NR2C1: variants seen among roughly 807,000 people sequenced by gnomAD.
NR2C1 encodes nuclear receptor subfamily 2 group C member 1.
Under a neutral mutation model 74.8 loss-of-function variants are expected in NR2C1, and 33 were observed. The ratio of observed to expected loss-of-function variants is 0.44; its 90% CI spans 0.33 to 0.59. NR2C1 has a LOEUF of 0.59. Among genes scored for constraint, NR2C1 ranks in the 20% least tolerant of loss-of-function variants. The probability of loss-of-function intolerance (pLI) is 0.02; values close to 1 mark genes in which losing one functional copy is unlikely to be tolerated. For synonymous variants in NR2C1, 225 were observed against 240.6 expected, an observed-to-expected ratio of 0.94 and a Z score of 0.60; for missense variants, 568 against 715.6, an observed-to-expected ratio of 0.79 and a Z score of 2.35.
intron 1 of NR2C1, among the ~76,000 whole-genome samples, chr12:95,070,173 C>A (rs1052089313): frequency 6.6e-6 from 1 of 151,474 alleles, no homozygotes; most frequent in African/African-American, 2.4e-5. Context: ...GCTCTGTCAC[C>A]TAGGCTGGAG....
chr12:95,059,986 TAAAAAAAAAAAAAA>T lies in NR2C1; in HGVS notation c.286-16_286-3del. 7 of 1,072,598 alleles carry T rather than the reference TAAAAAAAAAAAAAA, an allele frequency of 6.5e-6. No homozygotes were observed. The East Asian group carries it at 9.4e-5, about 14-fold the overall frequency. The allele number at this position is 1,072,598 out of a possible 1,614,324, so 66.4% of individuals were successfully genotyped here. The stretch of plus-strand genomic sequence containing the variant: ...GTCTGGAGAATTATCTGTTAGGAGC[TAAAAAAAAAAAAAA>T]AAAAAAAGAAAACAAAAACGAAAAC... On this transcript the variant is annotated splice_region_variant and splice_polypyrimidine_tract_variant and intron_variant, in intron 3 of 13. Coordinates refer to ENST00000333003, the MANE Select transcript of NR2C1 (RefSeq NM_003297.4).
intron 11 of NR2C1, 131 bp downstream of exon 11, chr12:95,031,218 T>C (rs1870059880): frequency 1.3e-6 from 1 of 745,246 alleles, no homozygotes; most frequent in Non-Finnish European, 1.9e-6. Flanking sequence ...AAAAATTATC[T>C]AAAGTAAGAA....
At chr12:95,032,743 G>A (rs1405414546) in intron 10 of NR2C1, among the ~76,000 whole-genome samples, 1 of 152,136 alleles carries the variant, frequency 6.6e-6, no homozygotes, top group African/African-American at 2.4e-5. Context: ...TGAGGCAGAC[G>A]CATCACTTGA....
intron 3 of NR2C1, among the ~76,000 whole-genome samples, chr12:95,062,232 A>C (rs1049686647): frequency 4.6e-5 from 7 of 152,194 alleles, no homozygotes; most frequent in Non-Finnish European, 1.0e-4. Context: ...CAATTCTGCA[A>C]GCTCTCTGTA....
At chr12:95,035,848 T>C (rs1178767517) in intron 10 of NR2C1, among the ~76,000 whole-genome samples, 2 of 152,364 alleles carry the variant, frequency 1.3e-5, no homozygotes, top group Non-Finnish European at 2.9e-5. Flanking sequence ...TTATCTACTT[T>C]GCAGCAGGCA....
At chr12:95,055,266 GCA>G (rs1873668844) in intron 7 of NR2C1, among the ~76,000 whole-genome samples, 1 of 152,190 alleles carries the variant, frequency 6.6e-6, no homozygotes, top group African/African-American at 2.4e-5. Context: ...ATACAAGAGA[GCA>G]CAGTGTCTGG....
chr12:95,047,022 T>C (rs1872403369), intron 9 of NR2C1, among the ~76,000 whole-genome samples: 1 of 152,244 alleles, frequency 6.6e-6, no homozygotes, highest in African/African-American at 2.4e-5. Flanking sequence ...CAAATTCTTC[T>C]GTCCAAAACA....
chr12:95,024,917 A>G (rs570730713), intron 13 of NR2C1, among the ~76,000 whole-genome samples: 149 of 152,356 alleles, frequency 9.8e-4, no homozygotes, highest in African/African-American at 3.5e-3. Context: ...TGTGACCTTA[A>G]GCAAAGTTAA....
chr12:95,072,589 G>C (rs1876868880), intron 1 of NR2C1: 2 of 152,072 alleles, frequency 1.3e-5, no homozygotes, highest in African/African-American at 4.8e-5. Flanking sequence ...GTAATTTTAG[G>C]TCTTTCTGCT....
chr12:95,064,328 CAAAAAAAAA>C (rs35375374), intron 2 of NR2C1, among the ~76,000 whole-genome samples: 1 of 107,980 alleles, frequency 9.3e-6, no homozygotes, highest in Non-Finnish European at 1.9e-5. Context: ...GAGTCTGTCT[CAAAAAAAAA>C]AAAAAAAAAA....
At chr12:95,072,736 G>A (rs948410894) in intron 1 of NR2C1, 2 of 152,224 alleles carry the variant, frequency 1.3e-5, no homozygotes, top group Admixed American at 6.5e-5. Flanking sequence ...GCTATCTATC[G>A]GAAGCTTGGA....
At chr12:95,034,203 T>C (rs1870526554) in intron 10 of NR2C1, among the ~76,000 whole-genome samples, 1 of 152,172 alleles carries the variant, frequency 6.6e-6, no homozygotes, top group African/African-American at 2.4e-5. Flanking sequence ...TTCTGAGAAT[T>C]ATTAATGTGA....
chr12:95,059,986 T>TAAAAAAAAAAAAAA lies in NR2C1; in HGVS notation c.286-16_286-3dup, dbSNP rs79760875. ...GTCTGGAGAATTATCTGTTAGGAGC[T>TAAAAAAAAAAAAAA]AAAAAAAAAAAAAAAAAAAAAGAAA... On this transcript the variant is annotated splice_region_variant and splice_polypyrimidine_tract_variant and intron_variant, in intron 3 of 13. Transcript: ENST00000333003. 2.9e-5 allele frequency: 31 copies of TAAAAAAAAAAAAAA among 1,074,534 alleles called. No individual in the cohort carries two copies. The highest frequency in any genetic ancestry group is 2.1e-4 in the South Asian group (11 of 52,312). The allele number at this position is 1,074,534 out of a possible 1,614,324, so 66.6% of individuals were successfully genotyped here.
intron 10 of NR2C1, among the ~76,000 whole-genome samples, chr12:95,032,131 G>T (rs946734189): frequency 4.6e-5 from 7 of 152,230 alleles, no homozygotes; most frequent in Non-Finnish European, 8.8e-5. Flanking sequence ...GCCTCCCAAA[G>T]TGTTGGGATT....
In NR2C1 at chr12:95,022,010, C is replaced by T. The variant is rs1592714659; in HGVS notation, c.*219G>A. On this transcript the variant is annotated 3_prime_UTR_variant, in exon 14 of 14. Coordinates refer to ENST00000333003, the MANE Select transcript of NR2C1 (RefSeq NM_003297.4). The stretch of plus-strand genomic sequence containing the variant: ...CACCAAGAATAAATTTGTAGTGTTT[C>T]ATATTCATTTAAAGGAATCAGGAAG... 7.7e-6 allele frequency: 3 copies of T among 390,390 alleles called. No individual in the cohort carries two copies. In the East Asian group the frequency reaches 1.3e-4, roughly 17 times the overall value. 24.2% of individuals were successfully genotyped at this position (390,390 alleles called of 1,614,324 possible). A position where few individuals can be genotyped will look rare whatever the true frequency, so the allele number is the denominator to read the frequency against.
intron 13 of NR2C1, among the ~76,000 whole-genome samples, chr12:95,024,587 G>A (rs935465228): frequency 1.3e-5 from 2 of 152,016 alleles, no homozygotes; most frequent in African/African-American, 4.8e-5. Flanking sequence ...ACAATCTAAT[G>A]GTATTTGTTT....
At chr12:95,045,165 A>C (rs1407234031) in intron 9 of NR2C1, among the ~76,000 whole-genome samples, 1 of 152,250 alleles carries the variant, frequency 6.6e-6, no homozygotes, top group Admixed American at 6.5e-5. Context: ...ATTTACTTAG[A>C]GTTCACTGGG....
intron 10 of NR2C1, among the ~76,000 whole-genome samples, chr12:95,032,664 G>A (rs1292500495): frequency 6.6e-6 from 1 of 151,920 alleles, no homozygotes; most frequent in South Asian, 2.1e-4. Flanking sequence ...TTATTAAGAG[G>A]TGAAAGGTAA....
chr12:95,048,859 G>A (rs58156878), intron 9 of NR2C1, among the ~76,000 whole-genome samples: 3,161 of 152,140 alleles, frequency 0.021, 101 homozygotes, highest in African/African-American at 0.072. Flanking sequence ...CCTGACCTCA[G>A]GTGATCTGCC....
Sources: gnomAD v4.1 joint callset for allele counts (sites outside exome capture counted in the v4.1 genomes callset) on GRCh38, gnomAD v4.1.1 for gene constraint, MANE v1.5 for transcripts, NCBI Gene and HGNC (gene_info 2026-07-23, HGNC 2026-07-21) for gene names.